The following CCDC141 variants were observed in gnomAD, a reference collection of about 807,000 sequenced individuals.
CCDC141 encodes the protein coiled-coil domain-containing protein 141.
In CCDC141, 168 loss-of-function variants were observed where a neutral mutation model predicts 181.0. The ratio of observed to expected loss-of-function variants is 0.93; its 90% CI spans 0.82 to 1.05. The LOEUF (loss-of-function observed/expected upper bound fraction) is 1.05. Among genes scored for constraint, CCDC141 ranks in the 50% least tolerant of loss-of-function variants. The probability of loss-of-function intolerance (pLI) is 0.00; values close to 1 mark genes in which losing one functional copy is unlikely to be tolerated. For missense variants in CCDC141, 1,902 were observed against 1,788.5 expected (o/e 1.06, Z -1.14); for synonymous variants, 666 against 642.3 (o/e 1.04, Z -0.56).
In CCDC141 at chr2:178,853,590, A is replaced by G. The variant is rs1467419254; in HGVS notation, c.3095T>C (p.Val1032Ala). 4 of 1,613,518 alleles carry G rather than the reference A, an allele frequency of 2.5e-6. No individual in the cohort carries two copies. In the African/African-American group the frequency reaches 5.3e-5, roughly 22 times the overall value. ...TGTGGAATATTTTCCAACTCTTACA[A>G]CTGTGGCACTTGCATCTTCGTACCA... ...HFWYEDASATVVRVGKYSTEC... is the reference protein window; with the variant it reads ...HFWYEDASATAVRVGKYSTEC... Residue 1032 changes from valine to alanine, a missense_variant, in exon 20 of 24, where the codon GTT becomes GCT. Val to Ala is a moderately conservative substitution (Grantham distance 64). Transcript: ENST00000443758.
In CCDC141 at chr2:178,845,717, G is replaced by T; in HGVS notation, c.3383C>A (p.Pro1128Gln). The change falls in exon 22 of 24, where the codon CCG becomes CAG. Residue 1128 changes from proline to glutamine, a missense_variant. Coordinates refer to ENST00000443758, the MANE Select transcript of CCDC141 (RefSeq NM_173648.4). ...LKQGDVLKMN[P>Q]NLEDFHYDYI... Reference sequence around the variant, plus strand: ...ATCATAATGGAAGTCTTCCAAATTCGGATTCATCTTTAAAACATCTCCCTG... The same window carrying T: ...ATCATAATGGAAGTCTTCCAAATTCTGATTCATCTTTAAAACATCTCCCTG... The T allele has an allele frequency of 6.2e-7, 1 of 1,610,540 alleles. No homozygotes were observed. The highest frequency in any genetic ancestry group is 8.5e-7 in the Non-Finnish European group (1 of 1,177,052).
chr2:179,031,236 G>C (rs2042992208), intron 2 of CCDC141, among the ~76,000 whole-genome samples: 1 of 150,872 alleles, frequency 6.6e-6, no homozygotes, highest in Non-Finnish European at 1.5e-5. Flanking sequence ...AGTTTTCGTA[G>C]CTTATGATTT....
At chr2:179,040,674 G>A (rs2043272734) in intron 2 of CCDC141, among the ~76,000 whole-genome samples, 2 of 152,130 alleles carry the variant, frequency 1.3e-5, no homozygotes, top group Non-Finnish European at 2.9e-5. Context: ...TAAGGACAAT[G>A]GACTCCAGTT....
chr2:178,816,520 G>A, the CCDC141 span, among the ~76,000 whole-genome samples: 5 of 152,200 alleles, frequency 3.3e-5, no homozygotes, highest in African/African-American at 1.2e-4. Context: ...CAGGTTTTGT[G>A]TGGACACAAG....
chr2:178,836,989 A>G lies in CCDC141; in HGVS notation c.4230T>C (p.Asn1410=). 1 of 1,613,982 alleles carries G rather than the reference A, an allele frequency of 6.2e-7. No homozygotes were observed. The highest frequency in any genetic ancestry group is 8.5e-7 in the Non-Finnish European group (1 of 1,179,956). The change falls in exon 23 of 24, where the codon AAT becomes AAC. Residue 1410 remains asparagine, a synonymous_variant. Transcript: ENST00000443758. ...SVVSLADQAP[N]FSRLLSNVTV... is the part of the protein sequence containing the mutation. ...TTACATTAGACAGGAGCCTGGAGAA[A>G]TTAGGTGCCTGGTCAGCTAGGCTGA...
At chr2:178,911,337 A>G (rs1271505113) in intron 7 of CCDC141, among the ~76,000 whole-genome samples, 1 of 152,184 alleles carries the variant, frequency 6.6e-6, no homozygotes, top group South Asian at 2.1e-4. Flanking sequence ...TAAGGTACCA[A>G]TAGTACTTCT....
chr2:178,847,099 T>C (rs1232422812), intron 21 of CCDC141, among the ~76,000 whole-genome samples: 1 of 152,242 alleles, frequency 6.6e-6, no homozygotes, highest in Non-Finnish European at 1.5e-5. Flanking sequence ...CCTATTTCTC[T>C]TGCCAGAGAG....
At chr2:178,976,187 T>A (rs1691114258) in intron 3 of CCDC141, among the ~76,000 whole-genome samples, 1 of 152,168 alleles carries the variant, frequency 6.6e-6, no homozygotes, top group African/African-American at 2.4e-5. Context: ...TTGGCTTGTT[T>A]TAGCACTAAG....
At chr2:178,952,203 G>A (rs76309147) in intron 5 of CCDC141, among the ~76,000 whole-genome samples, 302 of 152,204 alleles carry the variant, frequency 2.0e-3, no homozygotes, top group Non-Finnish European at 3.4e-3. Context: ...ACTATCTAGT[G>A]GTTTATGGAA....
intron 2 of CCDC141, among the ~76,000 whole-genome samples, chr2:179,008,802 T>C (rs923396758): frequency 6.6e-6 from 1 of 152,180 alleles, no homozygotes; most frequent in African/African-American, 2.4e-5. Flanking sequence ...AAAATGTCCC[T>C]CTTCACTGTT....
chr2:178,958,911 G>A (rs1490651917), intron 5 of CCDC141, among the ~76,000 whole-genome samples: 1 of 146,180 alleles, frequency 6.8e-6, no homozygotes, highest in African/African-American at 2.5e-5. Context: ...GAAGGTCTTT[G>A]TGTTAATCTG....
chr2:178,965,319 T>C (rs1690575432), intron 4 of CCDC141, among the ~76,000 whole-genome samples: 1 of 152,160 alleles, frequency 6.6e-6, no homozygotes, highest in Non-Finnish European at 1.5e-5. Context: ...ACAAAAAACA[T>C]CCACGATTGC....
In CCDC141 at chr2:178,865,762, C is replaced by A; in HGVS notation, c.2724+5G>T. Reference sequence around the variant, plus strand: ...TGTGCCAGTTCTCACCCCTCCCACACCCACCTCATTTATCTCGTCTCTCAT... The same window carrying A: ...TGTGCCAGTTCTCACCCCTCCCACAACCACCTCATTTATCTCGTCTCTCAT... On this transcript the variant is annotated splice_donor_5th_base_variant and intron_variant, in intron 17 of 23. Transcript: ENST00000443758. 1 of 1,504,438 alleles carries A rather than the reference C, an allele frequency of 6.6e-7. No individual in the cohort carries two copies. The highest frequency in any genetic ancestry group is 8.9e-7 in the Non-Finnish European group (1 of 1,124,212). 93.2% of individuals were successfully genotyped at this position (1,504,438 alleles called of 1,614,324 possible).
At chr2:178,923,303 A>G (rs1688783741) in intron 6 of CCDC141, among the ~76,000 whole-genome samples, 1 of 151,300 alleles carries the variant, frequency 6.6e-6, no homozygotes, top group African/African-American at 2.4e-5. Context: ...ACGGGGTTTC[A>G]CCATTTTAGC....
At chr2:178,875,801 A>T (rs1373571183) in intron 12 of CCDC141, 1 of 152,172 alleles carries the variant, frequency 6.6e-6, no homozygotes, top group African/African-American at 2.4e-5. Flanking sequence ...AGGTAGACAA[A>T]ATTACGCAGT....
intron 17 of CCDC141, among the ~76,000 whole-genome samples, chr2:178,857,728 T>C (rs1304602553): frequency 6.6e-6 from 1 of 152,154 alleles, no homozygotes; most frequent in Non-Finnish European, 1.5e-5. Flanking sequence ...GAGTGAACAA[T>C]GTCATGGTTG....
intron 2 of CCDC141, among the ~76,000 whole-genome samples, chr2:179,034,686 G>A (rs1171358268): frequency 6.6e-6 from 1 of 152,108 alleles, no homozygotes; most frequent in Non-Finnish European, 1.5e-5. Flanking sequence ...GTCTCAACCA[G>A]TCTTTCCTCG....
intron 9 of CCDC141, 138 bp downstream of exon 9, chr2:178,888,389 C>G (rs984651633): frequency 1.3e-5 from 10 of 754,172 alleles, no homozygotes; most frequent in Non-Finnish European, 1.9e-5. Context: ...CTGTTTAGTT[C>G]AATTAAAGGA....
chr2:179,008,121 T>G (rs2042164675), intron 2 of CCDC141, among the ~76,000 whole-genome samples: 1 of 152,206 alleles, frequency 6.6e-6, no homozygotes, highest in Non-Finnish European at 1.5e-5. Context: ...CTGCTGAAAG[T>G]CTGAATAAAT....
Sources: gnomAD v4.1 joint callset for allele counts (sites outside exome capture counted in the v4.1 genomes callset) on GRCh38, gnomAD v4.1.1 for gene constraint, MANE v1.5 for transcripts, NCBI Gene and HGNC (gene_info 2026-07-23, HGNC 2026-07-21) for gene names.